GPR39: variants seen among roughly 807,000 people sequenced by gnomAD.
The protein encoded by GPR39 is G protein-coupled receptor 39, also known as zinc sensing receptor.
Under a neutral mutation model 18.4 loss-of-function variants are expected in GPR39, and 23 were observed. The observed-to-expected ratio is 1.25, with a 90% CI of 0.90 to 1.77. GPR39 has a LOEUF of 1.77. Ranked by LOEUF, GPR39 falls within the 40% of genes most tolerant of loss-of-function variation. The pLI is 0.00. For synonymous variants in GPR39, 280 were observed against 257.9 expected, an observed-to-expected ratio of 1.09 and a Z score of -0.82; for missense variants, 647 against 602.4, an observed-to-expected ratio of 1.07 and a Z score of -0.78.
At chr2:132,558,930 G>A (rs1363475835) in intron 1 of GPR39, among the ~76,000 whole-genome samples, 1 of 152,104 alleles carries the variant, frequency 6.6e-6, no homozygotes, top group Non-Finnish European at 1.5e-5. Flanking sequence ...TGCTCCAGAA[G>A]CACATTTATT....
intron 1 of GPR39, among the ~76,000 whole-genome samples, chr2:132,564,605 TGCCAGGTGG>T (rs1680312697): frequency 6.6e-6 from 1 of 152,078 alleles, no homozygotes; most frequent in Admixed American, 6.6e-5. Flanking sequence ...CTGTGGCTTG[TGCCAGGTGG>T]GCCAGTACCT....
chr2:132,550,411 A>T (rs1421857925), intron 1 of GPR39, among the ~76,000 whole-genome samples: 1 of 152,142 alleles, frequency 6.6e-6, no homozygotes, highest in Non-Finnish European at 1.5e-5. Flanking sequence ...TGGAAAACAC[A>T]CTTGCACTCT....
intron 1 of GPR39, among the ~76,000 whole-genome samples, chr2:132,427,204 G>A (rs556453256): frequency 1.5e-4 from 19 of 130,692 alleles, no homozygotes; most frequent in South Asian, 2.5e-4. Flanking sequence ...TTGCTCCGTC[G>A]CCCAGGCTGG....
At chr2:132,467,535 T>C (rs1680949381) in intron 1 of GPR39, among the ~76,000 whole-genome samples, 1 of 152,086 alleles carries the variant, frequency 6.6e-6, no homozygotes, top group Non-Finnish European at 1.5e-5. Context: ...GGAAACAAAC[T>C]TGTGCATGTA....
chr2:132,431,767 T>C (rs1039243021), intron 1 of GPR39, among the ~76,000 whole-genome samples: 8 of 152,218 alleles, frequency 5.3e-5, no homozygotes, highest in African/African-American at 1.9e-4. Context: ...ATGTGACTAC[T>C]GTATCTTAAG....
chr2:132,549,158 A>G (rs775378480), intron 1 of GPR39, among the ~76,000 whole-genome samples: 2 of 152,118 alleles, frequency 1.3e-5, no homozygotes, highest in East Asian at 1.9e-4. Context: ...TTGCCTTTCA[A>G]TGGAGCCTGG....
At chr2:132,581,086 G>C (rs1290730151) in intron 1 of GPR39, among the ~76,000 whole-genome samples, 1 of 151,694 alleles carries the variant, frequency 6.6e-6, no homozygotes, top group African/African-American at 2.4e-5. Flanking sequence ...AGTAAAGAAG[G>C]GGCACAAAAG....
rs745908939 is a variant in GPR39, at chr2:132,646,239, G to C, written c.*633G>C. 6.3e-7 allele frequency: 1 copy of C among 1,583,532 alleles called. No homozygotes were observed. On this transcript the variant is annotated 3_prime_UTR_variant, in exon 2 of 2. Transcript: ENST00000329321. ...GACTGGTACCCGGCAGAGGCGATGAGACAGGCCGCTGATGATGCACAGGAC... is the reference window on the plus strand; with the variant it reads ...GACTGGTACCCGGCAGAGGCGATGACACAGGCCGCTGATGATGCACAGGAC...
At chr2:132,624,150 C>T (rs919752434) in intron 1 of GPR39, among the ~76,000 whole-genome samples, 5 of 152,140 alleles carry the variant, frequency 3.3e-5, no homozygotes, top group Admixed American at 6.5e-5. Context: ...ATCAAGGTGT[C>T]GGTAGGGTTG....
chr2:132,565,523 T>C (rs1680334745), intron 1 of GPR39, among the ~76,000 whole-genome samples: 1 of 149,400 alleles, frequency 6.7e-6, no homozygotes, highest in South Asian at 2.2e-4. Context: ...TAGCCTTAGG[T>C]ATATCTCCCA....
intron 1 of GPR39, among the ~76,000 whole-genome samples, 200 bp downstream of exon 1, chr2:132,418,098 A>G (rs965166144): frequency 6.6e-6 from 1 of 152,218 alleles, no homozygotes; most frequent in Non-Finnish European, 1.5e-5. Flanking sequence ...TCGGGGATTC[A>G]TGGTAGATTA....
chr2:132,490,426 G>A (rs1336343494), intron 1 of GPR39, among the ~76,000 whole-genome samples: 1 of 151,874 alleles, frequency 6.6e-6, no homozygotes, highest in Admixed American at 6.6e-5. Flanking sequence ...GACCGAGGAG[G>A]TTTATTCGAT....
At chr2:132,568,941 T>C (rs1680396327) in intron 1 of GPR39, among the ~76,000 whole-genome samples, 1 of 152,066 alleles carries the variant, frequency 6.6e-6, no homozygotes, top group South Asian at 2.1e-4. Context: ...CTTTGGGCAG[T>C]GAACGAAGAC....
chr2:132,513,729 T>C (rs967590280), intron 1 of GPR39, among the ~76,000 whole-genome samples: 2 of 152,234 alleles, frequency 1.3e-5, no homozygotes, highest in Non-Finnish European at 2.9e-5. Flanking sequence ...AATTTCTTTT[T>C]TTAGATGGGG....
intron 1 of GPR39, among the ~76,000 whole-genome samples, chr2:132,549,571 G>T (rs987275077): frequency 6.6e-6 from 1 of 152,148 alleles, no homozygotes; most frequent in Admixed American, 6.5e-5. Context: ...GGTGTATCAC[G>T]AGGTCAGGAG....
At chr2:132,568,944 A>C (rs1020879860) in intron 1 of GPR39, among the ~76,000 whole-genome samples, 3 of 152,078 alleles carry the variant, frequency 2.0e-5, no homozygotes, top group African/African-American at 7.3e-5. Flanking sequence ...TGGGCAGTGA[A>C]CGAAGACAGA....
intron 1 of GPR39, among the ~76,000 whole-genome samples, chr2:132,554,111 C>G (rs1253938709): frequency 6.6e-6 from 1 of 152,150 alleles, no homozygotes; most frequent in Non-Finnish European, 1.5e-5. Flanking sequence ...TTTCCTCAGC[C>G]CTTGGGAGAA....
At chr2:132,426,817 G>A (rs1454545821) in intron 1 of GPR39, among the ~76,000 whole-genome samples, 2 of 152,108 alleles carry the variant, frequency 1.3e-5, no homozygotes, top group Non-Finnish European at 2.9e-5. Flanking sequence ...GTACCTAACA[G>A]ACAGATCGGG....
chr2:132,555,832 G>A (rs1022098777), intron 1 of GPR39, among the ~76,000 whole-genome samples: 15 of 152,316 alleles, frequency 9.8e-5, no homozygotes, highest in Admixed American at 5.2e-4. Flanking sequence ...TGCATAATGT[G>A]AATATAACAT....
Sources: allele counts gnomAD v4.1 joint callset (sites outside exome capture counted in the v4.1 genomes callset), GRCh38; gene constraint gnomAD v4.1.1; transcripts MANE v1.5; gene names NCBI Gene and HGNC (gene_info 2026-07-23, HGNC 2026-07-21).